Variants in NLRC5 observed in about 807,000 individuals in gnomAD.
NLRC5 encodes protein NLRC5.
NLRC5 carries 114 observed loss-of-function variants against 206.9 expected under a neutral mutation model. That is an observed-to-expected ratio of 0.55 (90% confidence interval 0.47 to 0.64). The LOEUF (loss-of-function observed/expected upper bound fraction) is 0.64, where lower values mean the gene tolerates loss of function less well. Ranked by LOEUF, NLRC5 falls within the 30% of genes least tolerant of loss-of-function variation. The pLI is 0.00. For missense variants in NLRC5, 2,008 were observed against 2,305.5 expected (o/e 0.87, Z 2.64); for synonymous variants, 952 against 962.8 (o/e 0.99, Z 0.21).
Position 57,031,437 on chromosome 16 carries a change from C to A in NLRC5, c.2451C>A (p.Pro817=). 2 of 1,613,750 alleles carry A rather than the reference C, an allele frequency of 1.2e-6. No homozygotes were observed. The highest frequency in any genetic ancestry group is 1.7e-6 in the Non-Finnish European group (2 of 1,179,950). The change falls in exon 11 of 49, where the codon CCC becomes CCA. Residue 817 remains proline (P), a synonymous_variant. Coordinates refer to ENST00000688547, the MANE Select transcript of NLRC5 (RefSeq NM_001384950.1). ...ACCTCATCTTCCTTCTTTCCCCGCCCACAGAGACAACTGCAGAGCTACAAA... is the reference window on the plus strand; with the variant it reads ...ACCTCATCTTCCTTCTTTCCCCGCCAACAGAGACAACTGCAGAGCTACAAA... The part of the protein sequence containing the change: ...EADLIFLLSP[P]TETTAELQRA...
intron 1 of NLRC5, among the ~76,000 whole-genome samples, chr16:56,994,288 G>A (rs1293302634): frequency 1.3e-5 from 2 of 152,142 alleles, no homozygotes; most frequent in African/African-American, 4.8e-5. Context: ...TTAGGGGAAG[G>A]ATGGCAAAAG....
intron 36 of NLRC5, 94 bp downstream of exon 36, chr16:57,067,922 A>G (rs965424988): frequency 1.3e-5 from 13 of 991,526 alleles, no homozygotes; most frequent in Non-Finnish European, 1.9e-5. Flanking sequence ...GAGGACTCTT[A>G]CTCTGTGTCT....
At position 57,022,296 on chromosome 16, in the gene NLRC5, T is replaced by C. The variant is rs1350622237; in HGVS notation, c.336T>C (p.Pro112=). ...TGGGAGCTGAGGGGAAAAGCCAACCTGAATCTCAGCTCCACCATGGTGAGG... is the reference window on the plus strand; with the variant it reads ...TGGGAGCTGAGGGGAAAAGCCAACCCGAATCTCAGCTCCACCATGGTGAGG... ...SQLGAEGKSQ[P]ESQLHHGLKR... Residue 112 remains proline (P), a synonymous_variant, in exon 4 of 49, where the codon CCT becomes CCC. Transcript: ENST00000688547. 8.1e-6 allele frequency: 13 copies of C among 1,611,660 alleles called. No homozygotes were observed. Among genetic ancestry groups the C allele is most frequent in the African/African-American group, 1.3e-5 (1 of 74,886 alleles).
intron 47 of NLRC5, 39 bp from the exon 48 acceptor site, chr16:57,081,488 G>C (rs188032480): frequency 5.7e-6 from 9 of 1,588,054 alleles, no homozygotes; most frequent in Non-Finnish European, 6.9e-6. Flanking sequence ...TCTCATGGCC[G>C]TGTTTCTCTT....
chr16:57,026,142 G>A lies in NLRC5; in HGVS notation c.1199G>A (p.Arg400Gln), dbSNP rs776939605. The A allele has an allele frequency of 6.8e-6, 11 of 1,613,938 alleles. No individual in the cohort carries two copies. In the Admixed American group the frequency reaches 1.0e-4, roughly 15 times the overall value. Residue 400 changes from arginine (R) to glutamine (Q), a missense_variant, in exon 6 of 49, where the codon CGA becomes CAA. Arg to Gln is a conservative substitution (Grantham distance 43). Coordinates refer to ENST00000688547, the MANE Select transcript of NLRC5 (RefSeq NM_001384950.1). Reference sequence around the variant, plus strand: ...GAGTTACAGACAAATGGACGTCTCCGAAGCCTGTGTGCGGTGCCCGCACTG... The same window carrying A: ...GAGTTACAGACAAATGGACGTCTCCAAAGCCTGTGTGCGGTGCCCGCACTG... The part of the protein sequence containing the change: ...LVELQTNGRL[R>Q]SLCAVPALCQ...
At chr16:57,082,223 G>C (rs760745920) in intron 48 of NLRC5, among the ~76,000 whole-genome samples, 194 bp from the exon 49 acceptor site, 1 of 152,210 alleles carries the variant, frequency 6.6e-6, no homozygotes, top group Non-Finnish European at 1.5e-5. Flanking sequence ...AGGGAGGAAG[G>C]TTGAGTTGGA....
At chr16:57,031,333 G>C in intron 10 of NLRC5, 71 bp from the exon 11 acceptor site, 1 of 1,507,168 alleles carries the variant, frequency 6.6e-7, no homozygotes, top group Non-Finnish European at 9.2e-7. Flanking sequence ...GGCAGAAAAG[G>C]GTGTGCCTGT....
chr16:57,041,198 A>C (rs2063237835), intron 17 of NLRC5: 1 of 432,810 alleles, frequency 2.3e-6, no homozygotes. Flanking sequence ...TTTAACTGTT[A>C]TTTCAGTCTT....
chr16:57,076,873 C>T lies in NLRC5; in HGVS notation c.4806C>T (p.Leu1602=). The T allele has an allele frequency of 6.2e-7, 1 of 1,614,070 alleles. No homozygotes were observed. The highest frequency in any genetic ancestry group is 8.5e-7 in the Non-Finnish European group (1 of 1,180,030). ...GTTGCTGCCACCTTTCTGAGGCTCT[C>T]AGGGCTGCCACCAGCCTAGAGGAGC... is the stretch of plus-strand genomic sequence containing the variant. ...DVGCCHLSEA[L]RAATSLEELD... The change falls in exon 40 of 49, where the codon CTC becomes CTT. Residue 1602 remains leucine (L), a synonymous_variant. Transcript: ENST00000688547.
intron 26 of NLRC5, 102 bp from the exon 27 acceptor site, chr16:57,055,331 C>G: frequency 8.8e-7 from 1 of 1,141,668 alleles, no homozygotes; most frequent in Non-Finnish European, 1.3e-6. Flanking sequence ...TGAGTGGAGA[C>G]CCACCTGGAG....
intron 38 of NLRC5, among the ~76,000 whole-genome samples, chr16:57,072,900 G>A (rs1321238402): frequency 6.6e-6 from 1 of 152,004 alleles, no homozygotes; most frequent in Non-Finnish European, 1.5e-5. Context: ...TCTTCCGCTT[G>A]TCCCTCTTTG....
At chr16:57,036,871 A>T (rs1480334963) in intron 14 of NLRC5, among the ~76,000 whole-genome samples, 1 of 152,098 alleles carries the variant, frequency 6.6e-6, no homozygotes, top group Non-Finnish European at 1.5e-5. Context: ...TATATGTACA[A>T]AGCCTTTTGT....
At chr16:57,016,387 C>CT (rs1316658566) in intron 1 of NLRC5, among the ~76,000 whole-genome samples, 8 of 152,208 alleles carry the variant, frequency 5.3e-5, no homozygotes, top group African/African-American at 1.9e-4. Context: ...TCATGGAACT[C>CT]TGAGTTACAT....
At position 57,082,356 on chromosome 16, in the gene NLRC5, G is replaced by A. The variant is rs995299311; in HGVS notation, c.5490-61G>A. On this transcript the variant is annotated intron_variant, in intron 48 of 48. Coordinates refer to ENST00000688547, the MANE Select transcript of NLRC5 (RefSeq NM_001384950.1). ...TTTTTGGGCCTCAGCCTCCCAATCT[G>A]CAGATACGACAGATGGCAAAGATGG... The A allele has an allele frequency of 7.4e-5, 100 of 1,347,156 alleles. No homozygotes were observed. The African/African-American group carries it at 1.4e-3, about 19-fold the overall frequency. 83.5% of individuals were successfully genotyped at this position (1,347,156 alleles called of 1,614,324 possible).
chr16:57,041,821 G>A (rs1567586992), intron 18 of NLRC5, among the ~76,000 whole-genome samples, 161 bp from the exon 19 acceptor site: 2 of 152,098 alleles, frequency 1.3e-5, no homozygotes, highest in African/African-American at 4.8e-5. Flanking sequence ...AGAACCTGGG[G>A]GAGACCCCAG....
intron 1 of NLRC5, among the ~76,000 whole-genome samples, chr16:56,997,121 C>G (rs1164755506): frequency 2.0e-5 from 3 of 152,276 alleles, no homozygotes; most frequent in African/African-American, 7.2e-5. Flanking sequence ...ATCTGCCTGT[C>G]TCGGCCTCCC....
rs1161570474 is a variant in NLRC5, at chr16:57,036,159, A to C, written c.2687A>C (p.Gln896Pro). 6 of 1,613,418 alleles carry C rather than the reference A, an allele frequency of 3.7e-6. No homozygotes were observed. In the Admixed American group the frequency reaches 1.0e-4, roughly 27 times the overall value. The change falls in exon 14 of 49, where the codon CAG (glutamine) becomes CCG (proline). Residue 896 changes from glutamine to proline, a missense_variant. Gln to Pro is a moderately conservative substitution (Grantham distance 76, BLOSUM62 -1). Transcript: ENST00000688547. ...GCRLMAEAAS[Q>P]LHIARKLDLS... ...CGGCTGATGGCAGAGGCTGCATCCC[A>C]GCTGCACATCGCCAGGAAGCTGGAG...
At chr16:57,021,365 T>C (rs2060654497) in intron 3 of NLRC5, among the ~76,000 whole-genome samples, 2 of 152,068 alleles carry the variant, frequency 1.3e-5, no homozygotes, top group Non-Finnish European at 2.9e-5. Flanking sequence ...TGTTTGTTTG[T>C]TTTTTATTTT....
Position 57,026,644 on chromosome 16 carries a change from C to T in NLRC5, c.1701C>T (p.Gly567=). ...LSDHLPTFLA[G]LASCTCRPFL... ...ACCACCTCCCCACCTTCCTGGCGGG[C>T]CTGGCATCCTGCACCTGCCGCCCCT... is the stretch of plus-strand genomic sequence containing the variant. Residue 567 remains glycine, a synonymous_variant, in exon 6 of 49, where the codon GGC becomes GGT. Transcript: ENST00000688547. 3 of 1,614,160 alleles carry T rather than the reference C, an allele frequency of 1.9e-6. No individual in the cohort carries two copies. The highest frequency in any genetic ancestry group is 2.5e-6 in the Non-Finnish European group (3 of 1,180,018).
Sources: gnomAD v4.1 joint callset for allele counts (sites outside exome capture counted in the v4.1 genomes callset) on GRCh38, gnomAD v4.1.1 for gene constraint, MANE v1.5 for transcripts, NCBI Gene and HGNC (gene_info 2026-07-23, HGNC 2026-07-21) for gene names.